PLCB1: variants seen among roughly 807,000 people sequenced by gnomAD.
PLCB1 encodes phospholipase C beta 1, also known as 1-phosphatidylinositol 4,5-bisphosphate phosphodiesterase beta-1.
A neutral mutation model predicts 161.8 loss-of-function variants in PLCB1; 46 were observed. The ratio of observed to expected loss-of-function variants is 0.28; its 90% CI spans 0.22 to 0.36. PLCB1 has a LOEUF of 0.36. Ranked by LOEUF, PLCB1 falls within the 10% of genes least tolerant of loss-of-function variation. The probability of loss-of-function intolerance (pLI) is 1.00; values close to 1 mark genes in which losing one functional copy is unlikely to be tolerated. For synonymous variants in PLCB1, 517 were observed against 503.7 expected, an observed-to-expected ratio of 1.03 and a Z score of -0.35; for missense variants, 1,016 against 1,472.5, an observed-to-expected ratio of 0.69 and a Z score of 5.07.
At chr20:8,297,673 A>G (rs1440895051) in intron 2 of PLCB1, among the ~76,000 whole-genome samples, 2 of 152,138 alleles carry the variant, frequency 1.3e-5, no homozygotes, top group Non-Finnish European at 2.9e-5. Context: ...ATTAATGCAC[A>G]ACCACTGAGA....
Position 8,617,616 on chromosome 20 carries a change from T to TA in PLCB1, c.247-10674dup, listed in dbSNP as rs554376638. Among the ~76,000 whole-genome samples, 143 of 152,308 alleles carry TA rather than the reference T, an allele frequency of 9.4e-4. 1 individual carries two copies. Among genetic ancestry groups the TA allele is most frequent in the African/African-American group, 3.2e-3 (133 of 41,576 alleles). ...TTATTTATTGTTTGTTTTGATTTGT[T>TA]AAAAGCCTGTTGTTGAACATTTACC... is the stretch of plus-strand genomic sequence containing the variant. On this transcript the variant is annotated intron_variant, in intron 3 of 31. Transcript: ENST00000338037.
chr20:8,561,928 C>G (rs905240970), intron 3 of PLCB1, among the ~76,000 whole-genome samples: 2 of 152,008 alleles, frequency 1.3e-5, no homozygotes. Flanking sequence ...AATTATAGAG[C>G]TAGGTCAATT....
chr20:8,264,732 T>G (rs1375011932), intron 2 of PLCB1, among the ~76,000 whole-genome samples: 1 of 152,152 alleles, frequency 6.6e-6, no homozygotes, highest in East Asian at 1.9e-4. Context: ...TGTGTGTGTA[T>G]GTAGGTACAC....
At position 8,867,568 on chromosome 20, in the gene PLCB1, G is replaced by C. The variant is rs140828127; in HGVS notation, c.3424-14054G>C. Among the ~76,000 whole-genome samples, 216 of 152,282 alleles carry C rather than the reference G, an allele frequency of 1.4e-3. 1 individual carries two copies. The highest frequency in any genetic ancestry group is 4.9e-3 in the African/African-American group (204 of 41,570). ...TTTTATTGATTTTTTTTCAGGGTTTGTGTGGTTAAGAGAATGGGATTCTTC... is the reference window on the plus strand; with the variant it reads ...TTTTATTGATTTTTTTTCAGGGTTTCTGTGGTTAAGAGAATGGGATTCTTC... On this transcript the variant is annotated intron_variant, in intron 31 of 31. Transcript: ENST00000338037.
chr20:8,391,800 TA>T (rs1987606183), intron 3 of PLCB1, among the ~76,000 whole-genome samples: 1 of 130,070 alleles, frequency 7.7e-6, no homozygotes, highest in African/African-American at 3.5e-5. Context: ...TATATATATA[TA>T]TATATATATA....
chr20:8,850,527 A>G (rs1219310242), intron 31 of PLCB1, among the ~76,000 whole-genome samples: 2 of 152,252 alleles, frequency 1.3e-5, no homozygotes, highest in African/African-American at 2.4e-5. Context: ...GTTTGAATAT[A>G]TGTGTCCCTT....
At chr20:8,482,677 C>A (rs1982555873) in intron 3 of PLCB1, among the ~76,000 whole-genome samples, 1 of 152,140 alleles carries the variant, frequency 6.6e-6, no homozygotes, top group Non-Finnish European at 1.5e-5. Flanking sequence ...TTCTCATTTT[C>A]ACTCAGAAAA....
At chr20:8,486,131 G>A (rs1033608534) in intron 3 of PLCB1, among the ~76,000 whole-genome samples, 2 of 152,074 alleles carry the variant, frequency 1.3e-5, no homozygotes, top group African/African-American at 4.8e-5. Context: ...GGTGGTAACC[G>A]CCCCCATGAT....
chr20:8,634,433 C>T (rs922184490), intron 4 of PLCB1, among the ~76,000 whole-genome samples: 6 of 152,118 alleles, frequency 3.9e-5, no homozygotes, highest in South Asian at 2.1e-4. Context: ...TCGTTAACTT[C>T]GTCTATATCA....
intron 2 of PLCB1, among the ~76,000 whole-genome samples, chr20:8,251,221 T>C (rs1347853464): frequency 6.6e-6 from 1 of 151,922 alleles, no homozygotes; most frequent in East Asian, 1.9e-4. Context: ...CTTAATCGCC[T>C]CCCAAAGGCC....
At chr20:8,358,958 T>C (rs1192780714) in intron 2 of PLCB1, among the ~76,000 whole-genome samples, 2 of 152,342 alleles carry the variant, frequency 1.3e-5, no homozygotes, top group Non-Finnish European at 2.9e-5. Context: ...TTAACTTGTT[T>C]CTCATGAAGG....
intron 3 of PLCB1, among the ~76,000 whole-genome samples, chr20:8,492,889 G>A (rs1429439521): frequency 6.6e-6 from 1 of 150,980 alleles, no homozygotes; most frequent in Non-Finnish European, 1.5e-5. Context: ...TTTAATGTAT[G>A]TTCATTTTTT....
intron 3 of PLCB1, among the ~76,000 whole-genome samples, chr20:8,492,675 T>C (rs1039236690): frequency 4.6e-5 from 7 of 152,222 alleles, no homozygotes; most frequent in East Asian, 1.9e-4. Context: ...GCCTAAGTGA[T>C]AATGTAAACA....
At chr20:8,287,970 C>T (rs1464487853) in intron 2 of PLCB1, among the ~76,000 whole-genome samples, 1 of 152,132 alleles carries the variant, frequency 6.6e-6, no homozygotes, top group East Asian at 1.9e-4. Flanking sequence ...TTATTAAATG[C>T]CCTAGAGTTA....
intron 23 of PLCB1, among the ~76,000 whole-genome samples, chr20:8,747,006 A>G (rs1211885776): frequency 6.6e-6 from 1 of 152,174 alleles, no homozygotes; most frequent in African/African-American, 2.4e-5. Context: ...TCCACCACAC[A>G]CACGCACTAC....
chr20:8,805,560 A>G (rs1478810523), intron 31 of PLCB1, among the ~76,000 whole-genome samples: 1 of 152,240 alleles, frequency 6.6e-6, no homozygotes, highest in African/African-American at 2.4e-5. Flanking sequence ...TTTCTGACAC[A>G]TAATACTAAA....
At chr20:8,487,805 A>G (rs1416221215) in intron 3 of PLCB1, among the ~76,000 whole-genome samples, 1 of 152,194 alleles carries the variant, frequency 6.6e-6, no homozygotes. Context: ...AGTATTTTTA[A>G]TAGTAGATGT....
intron 2 of PLCB1, among the ~76,000 whole-genome samples, chr20:8,210,614 T>C (rs1369643147): frequency 6.6e-6 from 1 of 152,162 alleles, no homozygotes; most frequent in East Asian, 1.9e-4. Flanking sequence ...TTCAGAATAT[T>C]GGTAATTTCA....
At chr20:8,515,790 G>A (rs1386233001) in intron 3 of PLCB1, among the ~76,000 whole-genome samples, 1 of 152,170 alleles carries the variant, frequency 6.6e-6, no homozygotes, top group Non-Finnish European at 1.5e-5. Flanking sequence ...TGGGACAGCT[G>A]GGAGTGCTTA....
Sources: allele counts gnomAD v4.1 joint callset (sites outside exome capture counted in the v4.1 genomes callset), GRCh38; gene constraint gnomAD v4.1.1; transcripts MANE v1.5; gene names NCBI Gene and HGNC (gene_info 2026-07-23, HGNC 2026-07-21).